Variants in IL1RAPL2 observed in about 807,000 individuals in gnomAD.
IL1RAPL2 encodes the protein X-linked interleukin-1 receptor accessory protein-like 2.
In IL1RAPL2, 3 loss-of-function variants were observed where a neutral mutation model predicts 44.1. The ratio of observed to expected loss-of-function variants is 0.07; its 90% CI spans 0.03 to 0.18. The LOEUF (loss-of-function observed/expected upper bound fraction) is 0.18. IL1RAPL2 is among the 10% of genes least tolerant of loss of function. The probability of loss-of-function intolerance (pLI) is 1.00; values close to 1 mark genes in which losing one functional copy is unlikely to be tolerated. For synonymous variants in IL1RAPL2, 181 were observed against 178.8 expected (o/e 1.01, Z -0.10); for missense variants, 391 against 496.4 (o/e 0.79, Z 2.02).
intron 6 of IL1RAPL2, among the ~76,000 whole-genome samples, chrX:105,563,434 C>T (rs761984837): frequency 9.0e-6 from 1 of 111,353 alleles, no homozygotes; most frequent in African/African-American, 3.3e-5. Flanking sequence ...CAGACCTATG[C>T]AAAAAGAAGC....
chrX:105,358,182 A>G (rs1009632167), intron 5 of IL1RAPL2, among the ~76,000 whole-genome samples: 5 of 110,710 alleles, frequency 4.5e-5, no homozygotes, highest in African/African-American at 1.6e-4. Context: ...GATTGAGCCA[A>G]TGCAAATTTG....
At chrX:104,997,549 C>A in intron 2 of IL1RAPL2, among the ~76,000 whole-genome samples, 1 of 111,135 alleles carries the variant, frequency 9.0e-6, no homozygotes, top group East Asian at 2.9e-4. Flanking sequence ...TTGGAAGAGG[C>A]AATACTGGAA....
chrX:104,926,290 T>C (rs768505820), intron 2 of IL1RAPL2, among the ~76,000 whole-genome samples: 16 of 112,443 alleles, frequency 1.4e-4, no homozygotes, highest in Non-Finnish European at 3.0e-4. Flanking sequence ...AGATATGTTA[T>C]TCAAATTTAG....
intron 2 of IL1RAPL2, among the ~76,000 whole-genome samples, chrX:104,901,412 C>T (rs895841058): frequency 2.8e-5 from 3 of 108,112 alleles, no homozygotes; most frequent in South Asian, 4.2e-4. Flanking sequence ...GGGGTTTCAC[C>T]GTGTTAGCCA....
At chrX:105,076,084 G>C (rs1206593631) in intron 2 of IL1RAPL2, among the ~76,000 whole-genome samples, 5 of 110,789 alleles carry the variant, frequency 4.5e-5, no homozygotes, top group African/African-American at 1.3e-4. Flanking sequence ...CCTTCTGCTA[G>C]CTTTTGAATG....
chrX:105,662,939 C>T (rs1282857516), intron 6 of IL1RAPL2, among the ~76,000 whole-genome samples: 1 of 112,328 alleles, frequency 8.9e-6, no homozygotes, highest in Non-Finnish European at 1.9e-5. Flanking sequence ...TTTTAAGTCA[C>T]TAAGTTTTAG....
intron 1 of IL1RAPL2, among the ~76,000 whole-genome samples, chrX:104,624,465 C>G (rs763148376): frequency 5.0e-4 from 56 of 111,117 alleles, no homozygotes; most frequent in Non-Finnish European, 1.0e-3. Context: ...AAAAGATGAT[C>G]TATCTAATTC....
intron 6 of IL1RAPL2, among the ~76,000 whole-genome samples, chrX:105,511,224 A>G (rs1051394504): frequency 4.5e-5 from 5 of 111,772 alleles, no homozygotes; most frequent in Admixed American, 9.5e-5. Flanking sequence ...ATGATTCGAG[A>G]AAAGGTCATT....
intron 6 of IL1RAPL2, among the ~76,000 whole-genome samples, chrX:105,684,617 A>G (rs2037953791): frequency 8.9e-6 from 1 of 112,678 alleles, no homozygotes; most frequent in African/African-American, 3.2e-5. Context: ...GCTGAACAAA[A>G]GGCAGCAGAC....
intron 2 of IL1RAPL2, among the ~76,000 whole-genome samples, chrX:104,782,514 A>C (rs2147603180): frequency 9.0e-6 from 1 of 111,708 alleles, no homozygotes; most frequent in Admixed American, 9.5e-5. Flanking sequence ...GACATTTATT[A>C]TTTTAGTATT....
intron 3 of IL1RAPL2, chrX:105,219,156 A>G (rs1556172839): frequency 6.6e-6 from 8 of 1,208,990 alleles, no homozygotes; most frequent in South Asian, 5.3e-5. Flanking sequence ...GGGGCCCCCC[A>G]TCAGACCACA....
chrX:105,689,413 T>C (rs1251499500), intron 6 of IL1RAPL2, among the ~76,000 whole-genome samples: 1 of 112,115 alleles, frequency 8.9e-6, no homozygotes, highest in Non-Finnish European at 1.9e-5. Flanking sequence ...ACAAAGGATA[T>C]GAACAGACAC....
At chrX:105,086,141 G>A (rs761002541) in intron 2 of IL1RAPL2, among the ~76,000 whole-genome samples, 6 of 111,441 alleles carry the variant, frequency 5.4e-5, no homozygotes. Context: ...GTATGTCAAA[G>A]AGATATCTGC....
rs1364086430 is a variant in IL1RAPL2 at position 104,963,958 on chromosome X, A to AGG, written c.83-231515_83-231514dup. Among the ~76,000 whole-genome samples, 3 of 108,812 alleles carry AGG rather than the reference A, an allele frequency of 2.8e-5. No individual in the cohort carries two copies. In the South Asian group the frequency reaches 1.2e-3, roughly 44 times the overall value. The allele number at this position is 108,812 out of a possible 115,157, so 94.5% of individuals were successfully genotyped here. A position where few individuals can be genotyped will look rare whatever the true frequency, so the allele number is the denominator to read the frequency against. ...GTGAGAGAGAGAGAGAGAGAGAGAG[A>AGG]GGGAGATAGATTATGCAATCAGATA... On this transcript the variant is annotated intron_variant, in intron 2 of 10. Transcript: ENST00000372582.
At chrX:105,716,161 A>G (rs2038255387) in intron 6 of IL1RAPL2, among the ~76,000 whole-genome samples, 1 of 112,067 alleles carries the variant, frequency 8.9e-6, no homozygotes, top group Admixed American at 9.5e-5. Context: ...CAATGGAAAA[A>G]AAAACTGCAT....
At chrX:104,890,158 G>A in intron 2 of IL1RAPL2, among the ~76,000 whole-genome samples, 1 of 111,982 alleles carries the variant, frequency 8.9e-6, no homozygotes, top group Non-Finnish European at 1.9e-5. Flanking sequence ...ATAGTATACT[G>A]TGGTGTATAT....
At chrX:105,094,570 G>T (rs946711445) in intron 2 of IL1RAPL2, among the ~76,000 whole-genome samples, 7 of 111,293 alleles carry the variant, frequency 6.3e-5, no homozygotes, top group Non-Finnish European at 1.3e-4. Flanking sequence ...TGCCAGTATT[G>T]CACTGTTCTG....
intron 2 of IL1RAPL2, 148 bp from the exon 3 acceptor site, chrX:105,195,327 G>C: frequency 1.8e-6 from 1 of 561,931 alleles, no homozygotes; most frequent in Non-Finnish European, 2.9e-6. Context: ...GTCTAAGCAA[G>C]ATACAAGTCT....
intron 2 of IL1RAPL2, among the ~76,000 whole-genome samples, chrX:104,686,234 T>C (rs1286433404): frequency 1.8e-5 from 2 of 111,780 alleles, no homozygotes; most frequent in African/African-American, 6.5e-5. Context: ...CACTTTTCCA[T>C]AACTAGCAGT....
Sources: allele counts gnomAD v4.1 joint callset (sites outside exome capture counted in the v4.1 genomes callset), GRCh38; gene constraint gnomAD v4.1.1; transcripts MANE v1.5; gene names NCBI Gene and HGNC (gene_info 2026-07-23, HGNC 2026-07-21).